The following ANO5 variants were observed in gnomAD, a reference collection of about 807,000 sequenced individuals.
The protein encoded by ANO5 is anoctamin 5.
Under a neutral mutation model 121.0 loss-of-function variants are expected in ANO5, and 109 were observed. The ratio of observed to expected loss-of-function variants is 0.90; its 90% CI spans 0.77 to 1.06. The LOEUF is 1.06. Ranked by LOEUF, ANO5 falls within the 50% of genes least tolerant of loss-of-function variation. The pLI, the probability that ANO5 is intolerant of heterozygous loss-of-function variation, is 0.00. For synonymous variants in ANO5, 406 were observed against 359.9 expected (o/e 1.13, Z -1.45); for missense variants, 1,064 against 1,078.5 (o/e 0.99, Z 0.19).
In ANO5 at chr11:22,227,408, A is replaced by G. The variant is rs772737326; in HGVS notation, c.470A>G (p.Asp157Gly). Residue 157 changes from aspartate (D) to glycine (G), a missense_variant, in exon 7 of 22, where the codon GAT becomes GGT. By Grantham distance (94) the Asp-to-Gly change is moderately conservative. Coordinates refer to ENST00000324559, the MANE Select transcript of ANO5 (RefSeq NM_213599.3). ...LGIKMPIKES[D>G]IPRPKHTPIS... is the part of the protein sequence containing the mutation. ...ATCAAAATGCCTATTAAGGAGAGTG[A>G]TATTCCCCGCCCTAAGCACACTCCT... 3.0e-5 allele frequency: 48 copies of G among 1,613,410 alleles called. No homozygotes were observed. Among genetic ancestry groups the G allele is most frequent in the Non-Finnish European group, 3.9e-5 (46 of 1,179,762 alleles).
intron 3 of ANO5, among the ~76,000 whole-genome samples, chr11:22,212,028 T>G (rs1852294667): frequency 1.3e-5 from 2 of 151,786 alleles, no homozygotes; most frequent in Non-Finnish European, 2.9e-5. Flanking sequence ...GCATTTTACA[T>G]GATTCCAAAG....
rs894976464 is a variant in ANO5, at chr11:22,281,202, T to A, written c.*1437T>A. 7.2e-5 allele frequency: 11 copies of A among 152,028 alleles called. No homozygotes were observed. The highest frequency in any genetic ancestry group is 2.4e-4 in the African/African-American group (10 of 41,424). 9.4% of individuals were successfully genotyped at this position (152,028 alleles called of 1,614,324 possible). On this transcript the variant is annotated 3_prime_UTR_variant, in exon 22 of 22. Transcript: ENST00000324559. ...TATAATTCACCTCCAAAAGAATAGT[T>A]TTTTAATCACACACATAAGAAATTT...
At chr11:22,223,408 A>G (rs1272513984) in intron 5 of ANO5, among the ~76,000 whole-genome samples, 1 of 152,068 alleles carries the variant, frequency 6.6e-6, no homozygotes, top group African/African-American at 2.4e-5. Flanking sequence ...TGAAATATCT[A>G]TTGGGCAAGC....
intron 17 of ANO5, among the ~76,000 whole-genome samples, chr11:22,266,290 T>G (rs1854363660): frequency 6.6e-6 from 1 of 152,148 alleles, no homozygotes; most frequent in Admixed American, 6.6e-5. Flanking sequence ...CCATTGTGAC[T>G]CCAGTTAGAG....
chr11:22,206,636 A>G (rs1308686926), intron 2 of ANO5, among the ~76,000 whole-genome samples: 1 of 152,048 alleles, frequency 6.6e-6, no homozygotes, highest in African/African-American at 2.4e-5. Flanking sequence ...TTGAAAAACA[A>G]TTGGTATACT....
At chr11:22,264,136 G>A (rs1181897038) in intron 17 of ANO5, among the ~76,000 whole-genome samples, 2 of 146,988 alleles carry the variant, frequency 1.4e-5, no homozygotes, top group Admixed American at 7.0e-5. Flanking sequence ...CAATTTTCCT[G>A]CTTCAGTCTC....
At chr11:22,213,088 A>G (rs1852332433) in intron 3 of ANO5, among the ~76,000 whole-genome samples, 1 of 151,466 alleles carries the variant, frequency 6.6e-6, no homozygotes, top group Non-Finnish European at 1.5e-5. Flanking sequence ...TTATAAATCT[A>G]TTTATTATAA....
Position 22,262,382 on chromosome 11 carries a change from T to C in ANO5, c.1800+84T>C. 2.1e-6 allele frequency: 3 copies of C among 1,453,380 alleles called. No homozygotes were observed. In the East Asian group the frequency reaches 6.9e-5, roughly 33 times the overall value. 90.0% of individuals were successfully genotyped at this position (1,453,380 alleles called of 1,614,324 possible). A position where few individuals can be genotyped will look rare whatever the true frequency, so the allele number is the denominator to read the frequency against. On this transcript the variant is annotated intron_variant, in intron 16 of 21. Transcript: ENST00000324559. Reference sequence around the variant, plus strand: ...TCTGTGTGTCAAGCACTGATTCACATGCTAAAAAATTACAAAATATATCTA... The same window carrying C: ...TCTGTGTGTCAAGCACTGATTCACACGCTAAAAAATTACAAAATATATCTA...
chr11:22,216,156 G>A (rs1852435943), intron 3 of ANO5, among the ~76,000 whole-genome samples: 1 of 151,852 alleles, frequency 6.6e-6, no homozygotes, highest in African/African-American at 2.4e-5. Flanking sequence ...ATTCATGTAA[G>A]AAGTGTTTTT....
At chr11:22,269,531 G>C (rs1236132768) in intron 17 of ANO5, among the ~76,000 whole-genome samples, 9 of 117,418 alleles carry the variant, frequency 7.7e-5, no homozygotes, top group Non-Finnish European at 1.2e-4. Context: ...AGGAAGGAAA[G>C]AAAAAAAGAA....
chr11:22,203,759 T>A (rs1055320344), intron 1 of ANO5, 45 bp from the exon 2 acceptor site: 1 of 1,205,104 alleles, frequency 8.3e-7, no homozygotes, highest in African/African-American at 1.5e-5. Flanking sequence ...TATGTTCTGA[T>A]CAGTGGCTAA....
chr11:22,198,828 C>G (rs760069530), intron 1 of ANO5, among the ~76,000 whole-genome samples: 38 of 152,218 alleles, frequency 2.5e-4, no homozygotes, highest in African/African-American at 9.1e-4. Context: ...TTCTTAGAAT[C>G]CTATTCTTTA....
chr11:22,240,075 T>G (rs368716628), intron 9 of ANO5, among the ~76,000 whole-genome samples: 7 of 152,226 alleles, frequency 4.6e-5, no homozygotes, highest in African/African-American at 1.7e-4. Flanking sequence ...TTACTACTTT[T>G]TAGCATAGGG....
At chr11:22,235,571 G>C (rs1853187738) in intron 7 of ANO5, among the ~76,000 whole-genome samples, 2 of 152,084 alleles carry the variant, frequency 1.3e-5, no homozygotes, top group Non-Finnish European at 2.9e-5. Context: ...TTGAAAAGTT[G>C]TTGGAAGATA....
intron 11 of ANO5, 39 bp from the exon 12 acceptor site, chr11:22,250,912 T>C: frequency 6.2e-7 from 1 of 1,608,650 alleles, no homozygotes. Flanking sequence ...CATTTAGTAC[T>C]AAATTATCTT....
chr11:22,236,286 G>A lies in ANO5; in HGVS notation c.762+10G>A, dbSNP rs778128621. 6.3e-7 allele frequency: 1 copy of A among 1,590,230 alleles called. No homozygotes were observed. Among genetic ancestry groups the A allele is most frequent in the Non-Finnish European group, 8.6e-7 (1 of 1,158,898 alleles). On this transcript the variant is annotated intron_variant, in intron 8 of 21. Transcript: ENST00000324559. Reference sequence around the variant, plus strand: ...CTATCCACTCCATGATGTATGTATAGGTTTGATTGTGAAAATCTGAGCTTA... The same window carrying A: ...CTATCCACTCCATGATGTATGTATAAGTTTGATTGTGAAAATCTGAGCTTA...
chr11:22,257,291 T>C (rs1480810520), intron 13 of ANO5, among the ~76,000 whole-genome samples: 1 of 152,170 alleles, frequency 6.6e-6, no homozygotes, highest in Admixed American at 6.6e-5. Context: ...TAATTTAATA[T>C]CATGCAGAGC....
intron 7 of ANO5, among the ~76,000 whole-genome samples, chr11:22,231,289 A>AT (rs764850641): frequency 1.2e-4 from 19 of 152,018 alleles, no homozygotes; most frequent in Non-Finnish European, 2.8e-4. Context: ...ATCATTTTAT[A>AT]TTATAAGCAT....
rs545582737 is a variant in ANO5 at position 22,260,990 on chromosome 11, T to C, written c.1631-1139T>C. Among the ~76,000 whole-genome samples the C allele has an allele frequency of 2.0e-4, 31 of 152,364 alleles. 1 individual carries two copies. The South Asian group carries it at 6.2e-3, about 31-fold the overall frequency. On this transcript the variant is annotated intron_variant, in intron 15 of 21. Transcript: ENST00000324559. ...CTAATTACATTATTTTCAAAATTAA[T>C]ATAGCCATTGAATTAATGAGAGGGC...
Sources: gnomAD v4.1 joint callset for allele counts (sites outside exome capture counted in the v4.1 genomes callset) on GRCh38, gnomAD v4.1.1 for gene constraint, MANE v1.5 for transcripts, NCBI Gene and HGNC (gene_info 2026-07-23, HGNC 2026-07-21) for gene names.